ART3: variants seen among roughly 807,000 people sequenced by gnomAD.
ART3 encodes ecto-ADP-ribosyltransferase 3.
ART3 carries 49 observed loss-of-function variants against 48.5 expected under a neutral mutation model. That is an observed-to-expected ratio of 1.01 (90% CI 0.80 to 1.28). ART3 has a LOEUF of 1.28. ART3 is among the 50% of genes most tolerant of loss of function. ART3 has a pLI of 0.00. For missense variants in ART3, 438 were observed against 454.3 expected (o/e 0.96, Z 0.33); for synonymous variants, 145 against 157.2 (o/e 0.92, Z 0.58).
At chr4:76,056,594 TG>T (rs1718711517) in intron 1 of ART3, among the ~76,000 whole-genome samples, 1 of 152,028 alleles carries the variant, frequency 6.6e-6, no homozygotes, top group Admixed American at 6.6e-5. Flanking sequence ...GAGGATGGGT[TG>T]GGGGTGGACA....
At chr4:76,095,198 CAA>C (rs1725727375) in intron 3 of ART3, among the ~76,000 whole-genome samples, 1 of 152,074 alleles carries the variant, frequency 6.6e-6, no homozygotes. Flanking sequence ...GCAATCTTAA[CAA>C]AATGACTCTG....
intron 10 of ART3, chr4:76,105,669 C>T: frequency 9.5e-7 from 1 of 1,056,756 alleles, no homozygotes; most frequent in Non-Finnish European, 1.2e-6. Flanking sequence ...TGTACACTTT[C>T]CGATATCCCA....
At chr4:76,024,193 C>T (rs1311725955) in intron 1 of ART3, among the ~76,000 whole-genome samples, 1 of 152,024 alleles carries the variant, frequency 6.6e-6, no homozygotes, top group East Asian at 1.9e-4. Flanking sequence ...TGAATGAAAA[C>T]ATCATAAGAT....
intron 1 of ART3, among the ~76,000 whole-genome samples, chr4:76,040,450 A>ACGCACG (rs779849511): frequency 2.1e-5 from 3 of 146,222 alleles, no homozygotes; most frequent in South Asian, 2.2e-4. Context: ...ACACACACAC[A>ACGCACG]CACACACACA....
At chr4:76,023,504 C>T (rs534096405) in intron 1 of ART3, 17 of 1,384,236 alleles carry the variant, frequency 1.2e-5, no homozygotes, top group Non-Finnish European at 1.4e-5. Flanking sequence ...TCTCAGAAAA[C>T]GTGGGGCTAG....
chr4:76,095,008 CTGT>C (rs1725691326), intron 3 of ART3, among the ~76,000 whole-genome samples: 1 of 152,156 alleles, frequency 6.6e-6, no homozygotes, highest in Non-Finnish European at 1.5e-5. Flanking sequence ...TCTGCTGAAT[CTGT>C]TGTTAGGTTT....
chr4:76,087,292 A>G lies in ART3; in HGVS notation c.781+4757A>G, dbSNP rs552612709. Among the ~76,000 whole-genome samples, 330 of 152,248 alleles carry G rather than the reference A, an allele frequency of 2.2e-3. 7 individuals are homozygous for G. The highest frequency in any genetic ancestry group is 1.4e-3 in the East Asian group (7 of 5,180). ...GTCATTGTGGAGGCGCACGTGTACC[A>G]TGTGTTTAGGGAGCTATGACAGTCA... On this transcript the variant is annotated intron_variant, in intron 3 of 11. Coordinates refer to ENST00000355810, the MANE Select transcript of ART3 (RefSeq NM_001130016.3).
intron 3 of ART3, 132 bp downstream of exon 3, chr4:76,082,667 C>T: frequency 3.0e-6 from 2 of 668,858 alleles, no homozygotes; most frequent in East Asian, 2.8e-5. Context: ...TTCTTTCATA[C>T]TATCTCTTTA....
intron 1 of ART3, among the ~76,000 whole-genome samples, chr4:76,031,195 G>T (rs1733841209): frequency 6.6e-6 from 1 of 151,928 alleles, no homozygotes; most frequent in Non-Finnish European, 1.5e-5. Context: ...GGGAATATTA[G>T]TATTTTTTCA....
chr4:76,067,878 C>T (rs1404962662), intron 1 of ART3, among the ~76,000 whole-genome samples: 1 of 152,194 alleles, frequency 6.6e-6, no homozygotes, highest in African/African-American at 2.4e-5. Flanking sequence ...CCCGAGGTAT[C>T]TGATCCTGCT....
At chr4:76,019,742 C>T (rs529533185) in intron 1 of ART3, among the ~76,000 whole-genome samples, 46 of 151,492 alleles carry the variant, frequency 3.0e-4, no homozygotes, top group African/African-American at 1.0e-3. Context: ...GTGTGAGCCA[C>T]CGCGCCCGGC....
chr4:76,042,980 T>C (rs1324776644), intron 1 of ART3, among the ~76,000 whole-genome samples: 2 of 151,676 alleles, frequency 1.3e-5, no homozygotes, highest in Non-Finnish European at 2.9e-5. Flanking sequence ...ACACAAAGGT[T>C]CTCCACATCC....
At chr4:76,041,649 A>T (rs1388262243) in intron 1 of ART3, among the ~76,000 whole-genome samples, 1 of 152,316 alleles carries the variant, frequency 6.6e-6, no homozygotes, top group East Asian at 1.9e-4. Flanking sequence ...ATGTGGATAT[A>T]AAAATGTTAA....
intron 1 of ART3, among the ~76,000 whole-genome samples, chr4:76,069,538 C>T (rs1280433579): frequency 6.6e-6 from 1 of 151,686 alleles, no homozygotes; most frequent in Non-Finnish European, 1.5e-5. Context: ...TACAGGCACG[C>T]GCCACCACAC....
At chr4:76,065,828 C>T (rs754004909) in intron 1 of ART3, among the ~76,000 whole-genome samples, 16 of 151,532 alleles carry the variant, frequency 1.1e-4, no homozygotes, top group Non-Finnish European at 2.1e-4. Context: ...AGGGATAATA[C>T]GCATTATTTT....
At position 76,107,525 on chromosome 4, in the gene ART3, A is replaced by C. The variant is rs568533384; in HGVS notation, c.1004-236A>C. ...ATGTAGAAAATACTTTTTGTGAATA[A>C]AATTTTAACTTTTATTTTTATGTAA... On this transcript the variant is annotated intron_variant, in intron 10 of 11. Transcript: ENST00000355810. The C allele has an allele frequency of 1.8e-5, 6 of 325,358 alleles. No homozygotes were observed. The South Asian group carries it at 4.3e-4, about 24-fold the overall frequency. The allele number at this position is 325,358 out of a possible 1,614,324, so 20.2% of individuals were successfully genotyped here.
intron 1 of ART3, among the ~76,000 whole-genome samples, chr4:76,050,822 C>T (rs868211524): frequency 3.9e-5 from 6 of 152,316 alleles, no homozygotes; most frequent in South Asian, 4.1e-4. Context: ...AGCTAAGGCC[C>T]GATGAGAAAT....
At chr4:76,107,880 G>A in intron 11 of ART3, 87 bp downstream of exon 11, 3 of 1,129,876 alleles carry the variant, frequency 2.7e-6, no homozygotes, top group Non-Finnish European at 3.7e-6. Flanking sequence ...TCAATAAAGG[G>A]AACAAAGTTG....
intron 1 of ART3, among the ~76,000 whole-genome samples, chr4:76,040,784 A>C (rs1734906748): frequency 6.6e-6 from 1 of 152,130 alleles, no homozygotes; most frequent in African/African-American, 2.4e-5. Flanking sequence ...TCACTTCTTC[A>C]GGTGATAGAT....
Sources: allele counts gnomAD v4.1 joint callset (sites outside exome capture counted in the v4.1 genomes callset), GRCh38; gene constraint gnomAD v4.1.1; transcripts MANE v1.5; gene names NCBI Gene and HGNC (gene_info 2026-07-23, HGNC 2026-07-21).